ATF7IP: variants seen among roughly 807,000 people sequenced by gnomAD.
ATF7IP encodes activating transcription factor 7-interacting protein 1.
In ATF7IP, 23 loss-of-function variants were observed where a neutral mutation model predicts 106.4. The observed-to-expected ratio is 0.22, with a 90% confidence interval of 0.16 to 0.31. The LOEUF is 0.31. ATF7IP is among the 10% of genes least tolerant of loss of function. The pLI is 1.00. For synonymous variants in ATF7IP, 542 were observed against 539.0 expected (o/e 1.01, Z -0.08); for missense variants, 1,334 against 1,524.3 (o/e 0.88, Z 2.08).
In ATF7IP at chr12:14,425,286, C is replaced by G. The variant is rs61754405; in HGVS notation, c.1371C>G (p.Leu457=). The G allele has an allele frequency of 6.2e-7, 1 of 1,602,078 alleles. No individual in the cohort carries two copies. Among genetic ancestry groups the G allele is most frequent in the South Asian group, 1.1e-5 (1 of 88,290 alleles). Residue 457 remains leucine, a synonymous_variant, in exon 2 of 15, where the codon CTC becomes CTG. Transcript: ENST00000261168. ...DELTCFSKTS[L]LPIDETNPDL... ...TTACTTGCTTTTCTAAAACATCTCT[C>G]CTTCCAATCGATGAGACAAATCCAG... is the stretch of plus-strand genomic sequence containing the variant.
At chr12:14,466,270 C>T (rs1943828830) in intron 9 of ATF7IP, 2 of 343,306 alleles carry the variant, frequency 5.8e-6, no homozygotes, top group Non-Finnish European at 1.0e-5. Flanking sequence ...AAATTATTTC[C>T]ATGAGATACT....
chr12:14,413,124 G>A (rs182725645), intron 1 of ATF7IP, among the ~76,000 whole-genome samples: 9 of 152,252 alleles, frequency 5.9e-5, no homozygotes, highest in Admixed American at 1.3e-4. Flanking sequence ...GATATCTTTT[G>A]TTCTGATCTT....
intron 1 of ATF7IP, among the ~76,000 whole-genome samples, chr12:14,366,454 CAG>C (rs1304904501): frequency 3.3e-5 from 5 of 152,076 alleles, no homozygotes; most frequent in South Asian, 2.1e-4. Flanking sequence ...GTTTACAAAA[CAG>C]AAACAATTTT....
At chr12:14,425,567 G>A (rs1941799278) in intron 2 of ATF7IP, 94 bp downstream of exon 2, 7 of 1,307,808 alleles carry the variant, frequency 5.4e-6, no homozygotes, top group Non-Finnish European at 1.0e-6. Context: ...TATTTTAGCT[G>A]CAGAGAAAGT....
intron 13 of ATF7IP, among the ~76,000 whole-genome samples, chr12:14,492,887 T>A (rs185873521): frequency 0.011 from 1,578 of 150,130 alleles, no homozygotes; most frequent in Middle Eastern, 0.043. Context: ...CTTCAGAGAT[T>A]CAGGTGCTGC....
chr12:14,422,072 C>T (rs1434010553), intron 1 of ATF7IP, among the ~76,000 whole-genome samples: 1 of 151,938 alleles, frequency 6.6e-6, no homozygotes, highest in African/African-American at 2.4e-5. Context: ...GCTTTATATG[C>T]ACACATTACA....
At chr12:14,434,981 T>C (rs1942330954) in intron 3 of ATF7IP, among the ~76,000 whole-genome samples, 2 of 152,016 alleles carry the variant, frequency 1.3e-5, no homozygotes, top group Admixed American at 1.3e-4. Flanking sequence ...CCAGCTACTT[T>C]GGAGGCTGCA....
chr12:14,391,824 C>T (rs1276482869), intron 1 of ATF7IP, among the ~76,000 whole-genome samples: 5 of 152,180 alleles, frequency 3.3e-5, no homozygotes, highest in Admixed American at 1.3e-4. Flanking sequence ...CAGGTTCAAG[C>T]GGTCTTCCTG....
At chr12:14,489,518 G>A (rs540055902) in intron 13 of ATF7IP, among the ~76,000 whole-genome samples, 1 of 152,228 alleles carries the variant, frequency 6.6e-6, no homozygotes, top group African/African-American at 2.4e-5. Context: ...AAGGTGAGTG[G>A]TACCACTTCC....
rs1945142327 is a variant in ATF7IP, at chr12:14,500,846, C to T, written c.*2773C>T. On this transcript the variant is annotated 3_prime_UTR_variant, in exon 15 of 15. Transcript: ENST00000261168. ...TTTCTGTCAAAGGAAAACAAATTCT[C>T]AAATAGGAATTCTAAAAATATTTAC... 6.6e-6 allele frequency: 1 copy of T among 151,942 alleles called. No individual in the cohort carries two copies. Among genetic ancestry groups the T allele is most frequent in the Non-Finnish European group, 1.5e-5 (1 of 67,976 alleles). The allele number at this position is 151,942 out of a possible 1,614,324, so 9.4% of individuals were successfully genotyped here.
At position 14,428,839 on chromosome 12, in the gene ATF7IP, G is replaced by A. The variant is rs553174238; in HGVS notation, c.1558+3366G>A. 3.0e-4 allele frequency among the ~76,000 whole-genome samples: 46 copies of A among 152,236 alleles called. 1 individual carries two copies. The highest frequency in any genetic ancestry group is 3.4e-3 in the Middle Eastern group (1 of 294). On this transcript the variant is annotated intron_variant, in intron 2 of 14. Coordinates refer to ENST00000261168, the MANE Select transcript of ATF7IP (RefSeq NM_018179.5). ...AAGCTATTTTAATTTTACAAAAGTA[G>A]AAGAAAGAACTAAAAAAGTGTTGCA... is the stretch of plus-strand genomic sequence containing the variant.
At chr12:14,422,014 A>G (rs1285573096) in intron 1 of ATF7IP, among the ~76,000 whole-genome samples, 3 of 152,202 alleles carry the variant, frequency 2.0e-5, no homozygotes, top group African/African-American at 7.2e-5. Flanking sequence ...TAAATGACAC[A>G]TTAAAATGTG....
chr12:14,461,208 C>G, intron 9 of ATF7IP, 75 bp downstream of exon 9: 1 of 1,346,912 alleles, frequency 7.4e-7, no homozygotes, highest in Non-Finnish European at 1.0e-6. Context: ...CTTTTTTTTT[C>G]TAAGTGGCTA....
intron 13 of ATF7IP, among the ~76,000 whole-genome samples, chr12:14,488,534 C>T (rs963566368): frequency 1.3e-5 from 2 of 152,112 alleles, no homozygotes; most frequent in African/African-American, 4.8e-5. Context: ...GATCTGCCTT[C>T]CCCAGCCCAC....
chr12:14,398,507 T>G (rs944664339), intron 1 of ATF7IP, among the ~76,000 whole-genome samples: 1 of 151,676 alleles, frequency 6.6e-6, no homozygotes, highest in African/African-American at 2.4e-5. Flanking sequence ...TTGTTAAGAT[T>G]TTCTTGTCGC....
At chr12:14,380,532 C>T (rs1304935990) in intron 1 of ATF7IP, among the ~76,000 whole-genome samples, 1 of 152,216 alleles carries the variant, frequency 6.6e-6, no homozygotes, top group African/African-American at 2.4e-5. Flanking sequence ...CTCTGATTGC[C>T]AGCACTCTGG....
chr12:14,432,465 AAC>A (rs1942189004), intron 2 of ATF7IP, among the ~76,000 whole-genome samples: 2 of 152,224 alleles, frequency 1.3e-5, no homozygotes, highest in South Asian at 4.1e-4. Context: ...GAGGTCTTAA[AAC>A]ACTTAAAATG....
chr12:14,424,409 C>T lies in ATF7IP; in HGVS notation c.494C>T (p.Ser165Phe), dbSNP rs1354661568. ...GGTGATCCCACCTCTAGCGAGCCCT[C>T]CTCTAGTGATGCTGCCTCTGGTGAT... ...TSGDPTSSEP[S>F]SSDAASGDAT... Residue 165 changes from serine (S) to phenylalanine (F), a missense_variant, in exon 2 of 15, where the codon TCC (serine) becomes TTC (phenylalanine). By Grantham distance (155) the Ser-to-Phe change is radical (BLOSUM62 -2). Coordinates refer to ENST00000261168, the MANE Select transcript of ATF7IP (RefSeq NM_018179.5). 1 of 1,613,556 alleles carries T rather than the reference C, an allele frequency of 6.2e-7. No homozygotes were observed. The highest frequency in any genetic ancestry group is 1.3e-5 in the African/African-American group (1 of 74,816).
At chr12:14,394,619 T>C (rs1939739140) in intron 1 of ATF7IP, among the ~76,000 whole-genome samples, 1 of 152,194 alleles carries the variant, frequency 6.6e-6, no homozygotes, top group Non-Finnish European at 1.5e-5. Context: ...AGTCTGGCTG[T>C]GCTAGGGTAG....
Sources: allele counts gnomAD v4.1 joint callset (sites outside exome capture counted in the v4.1 genomes callset), GRCh38; gene constraint gnomAD v4.1.1; transcripts MANE v1.5; gene names NCBI Gene and HGNC (gene_info 2026-07-23, HGNC 2026-07-21).